The following MYO16 variants were observed in gnomAD, a reference collection of about 807,000 sequenced individuals.
MYO16 encodes the protein myosin XVI.
Under a neutral mutation model 205.3 loss-of-function variants are expected in MYO16, and 94 were observed. The observed-to-expected ratio is 0.46, with a 90% CI of 0.39 to 0.54. The LOEUF is 0.54. MYO16 is among the 20% of genes least tolerant of loss of function. The pLI, the probability that MYO16 is intolerant of heterozygous loss-of-function variation, is 0.00. For missense variants in MYO16, 2,315 were observed against 2,387.5 expected (o/e 0.97, Z 0.63); for synonymous variants, 988 against 954.0 (o/e 1.04, Z -0.66).
chr13:108,713,633 A>G (rs778315975), intron 3 of MYO16, among the ~76,000 whole-genome samples: 9 of 152,182 alleles, frequency 5.9e-5, no homozygotes, highest in Non-Finnish European at 1.0e-4. Context: ...GGTTATTCTA[A>G]TTTATGGCCA....
intron 4 of MYO16, among the ~76,000 whole-genome samples, chr13:108,772,234 C>A (rs911882661): frequency 2.0e-5 from 3 of 152,052 alleles, no homozygotes; most frequent in Non-Finnish European, 4.4e-5. Flanking sequence ...TGGTGCACAC[C>A]TGTGGTCCCA....
intron 1 of MYO16, among the ~76,000 whole-genome samples, chr13:108,619,017 A>G (rs1027270352): frequency 1.3e-5 from 2 of 152,086 alleles, no homozygotes; most frequent in South Asian, 2.1e-4. Flanking sequence ...CCTGATTTCT[A>G]TTATCATAAT....
chr13:108,829,117 C>CA (rs1186299353), intron 9 of MYO16, among the ~76,000 whole-genome samples: 1 of 152,138 alleles, frequency 6.6e-6, no homozygotes, highest in African/African-American at 2.4e-5. Context: ...AAAATGGGGG[C>CA]AGTCTTGATG....
intron 10 of MYO16, among the ~76,000 whole-genome samples, chr13:108,853,955 TG>T (rs1305725009): frequency 0.027 from 7 of 258 alleles, no homozygotes; most frequent in Admixed American, 0.056. Flanking sequence ...TTTCTATTAT[TG>T]TGTGTGTGTG....
chr13:108,939,178 C>T (rs1882617533), intron 16 of MYO16, among the ~76,000 whole-genome samples: 1 of 152,232 alleles, frequency 6.6e-6, no homozygotes, highest in Non-Finnish European at 1.5e-5. Flanking sequence ...TTAAAAACGG[C>T]ATCCTGTTCC....
intron 16 of MYO16, among the ~76,000 whole-genome samples, chr13:108,956,232 CAG>C (rs1356023256): frequency 6.6e-6 from 1 of 152,140 alleles, no homozygotes; most frequent in Non-Finnish European, 1.5e-5. Context: ...TTTTCCCAGA[CAG>C]AGACTTGCTA....
intron 33 of MYO16, among the ~76,000 whole-genome samples, chr13:109,178,295 C>G (rs929658713): frequency 1.3e-5 from 2 of 152,060 alleles, no homozygotes; most frequent in Non-Finnish European, 2.9e-5. Context: ...GAGACCCCCC[C>G]CACCCACTAG....
intron 5 of MYO16, among the ~76,000 whole-genome samples, chr13:108,792,100 G>A (rs967490077): frequency 1.3e-5 from 2 of 152,114 alleles, no homozygotes; most frequent in African/African-American, 2.4e-5. Context: ...GCTAGGAATA[G>A]GGGACACATC....
chr13:109,119,225 T>C (rs1368827564), intron 28 of MYO16, among the ~76,000 whole-genome samples: 1 of 152,214 alleles, frequency 6.6e-6, no homozygotes, highest in African/African-American at 2.4e-5. Context: ...TGATGATGTG[T>C]ACACACGTGC....
intron 6 of MYO16, among the ~76,000 whole-genome samples, chr13:108,804,015 C>T (rs1275706654): frequency 6.6e-6 from 1 of 152,110 alleles, no homozygotes; most frequent in Non-Finnish European, 1.5e-5. Context: ...GTGGCTTGAC[C>T]TCACTGTGTG....
At chr13:108,600,006 AT>A (rs1024309056) in intron 1 of MYO16, among the ~76,000 whole-genome samples, 14 of 152,278 alleles carry the variant, frequency 9.2e-5, no homozygotes, top group African/African-American at 3.1e-4. Context: ...CATCCATTGT[AT>A]TTTTAGACAC....
intron 34 of MYO16, among the ~76,000 whole-genome samples, chr13:109,195,126 A>AT (rs140100509): frequency 0.03 from 4,565 of 151,856 alleles, 293 homozygotes; most frequent in East Asian, 0.28. Flanking sequence ...ATAGTTGTTG[A>AT]TTTTTTTTAA....
At chr13:109,097,315 G>C (rs1225524566) in intron 27 of MYO16, among the ~76,000 whole-genome samples, 1 of 152,100 alleles carries the variant, frequency 6.6e-6, no homozygotes, top group African/African-American at 2.4e-5. Context: ...GGCAACAAGA[G>C]TGAAACTCTG....
At chr13:108,584,613 T>C in the MYO16 span, among the ~76,000 whole-genome samples, 1 of 152,124 alleles carries the variant, frequency 6.6e-6, no homozygotes, top group East Asian at 1.9e-4. Context: ...CCAGCCTCTG[T>C]TTATCCCCTT....
intron 3 of MYO16, among the ~76,000 whole-genome samples, chr13:108,716,336 T>C (rs559661451): frequency 3.3e-5 from 5 of 152,158 alleles, no homozygotes; most frequent in Admixed American, 6.5e-5. Flanking sequence ...ACTGATGAAG[T>C]AGATGGAAGC....
intron 17 of MYO16, among the ~76,000 whole-genome samples, chr13:108,959,668 C>T (rs1426161309): frequency 2.0e-5 from 3 of 152,194 alleles, no homozygotes; most frequent in Non-Finnish European, 2.9e-5. Context: ...GTCCTTGAAT[C>T]AACACTGGTG....
At chr13:108,762,514 A>T (rs1236847535) in intron 4 of MYO16, among the ~76,000 whole-genome samples, 1 of 152,120 alleles carries the variant, frequency 6.6e-6, no homozygotes, top group Non-Finnish European at 1.5e-5. Context: ...TTTTTTTAAC[A>T]ATAGCCATTC....
chr13:108,559,238 GC>G, the MYO16 span, among the ~76,000 whole-genome samples: 1 of 151,906 alleles, frequency 6.6e-6, no homozygotes, highest in African/African-American at 2.4e-5. Flanking sequence ...CACATAGGGA[GC>G]ACTCTGCGTG....
chr13:108,616,695 A>G (rs1879361369), intron 1 of MYO16, among the ~76,000 whole-genome samples: 1 of 152,190 alleles, frequency 6.6e-6, no homozygotes, highest in Non-Finnish European at 1.5e-5. Context: ...GCAGTATTTT[A>G]GAAACTACTT....
Sources: allele counts gnomAD v4.1 joint callset (sites outside exome capture counted in the v4.1 genomes callset), GRCh38; gene constraint gnomAD v4.1.1; transcripts MANE v1.5; gene names NCBI Gene and HGNC (gene_info 2026-07-23, HGNC 2026-07-21).